KIFC3: variants seen among roughly 807,000 people sequenced by gnomAD.
KIFC3 encodes kinesin-like protein KIFC3.
Under a neutral mutation model 101.8 loss-of-function variants are expected in KIFC3, and 60 were observed. That is an observed-to-expected ratio of 0.59 (90% confidence interval 0.48 to 0.73). The LOEUF (loss-of-function observed/expected upper bound fraction) is 0.73. KIFC3 is among the 30% of genes least tolerant of loss of function. The pLI is 0.00. For synonymous variants in KIFC3, 476 were observed against 482.7 expected (o/e 0.99, Z 0.18); for missense variants, 966 against 1,137.1 (o/e 0.85, Z 2.16).
At chr16:57,787,715 G>A (rs897994987) in intron 3 of KIFC3, among the ~76,000 whole-genome samples, 6 of 152,116 alleles carry the variant, frequency 3.9e-5, no homozygotes, top group South Asian at 2.1e-4. Context: ...TCCCCTGCCC[G>A]AGGCTGGCCT....
chr16:57,764,275 T>TGGGGGGGGGGGGGTGGGGGGGGGTGG, intron 11 of KIFC3, 28 bp from the exon 12 acceptor site: 1 of 539,938 alleles, frequency 1.9e-6, no homozygotes, highest in Non-Finnish European at 3.5e-6. Flanking sequence ...GGGAGGCTGG[T>TGGGGGGGGGGGGGTGGGGGGGGGTGG]GGGGGGGCTT....
upstream of KIFC3, among the ~76,000 whole-genome samples, chr16:57,804,861 C>T (rs1431856160): frequency 1.3e-5 from 2 of 150,602 alleles, no homozygotes; most frequent in South Asian, 2.1e-4. Context: ...TTCCAAAGTC[C>T]TGGGATTACA....
At chr16:57,798,888 G>A (rs555671010) in intron 1 of KIFC3, among the ~76,000 whole-genome samples, 2 of 152,328 alleles carry the variant, frequency 1.3e-5, no homozygotes, top group East Asian at 1.9e-4. Flanking sequence ...GGCAGGCACC[G>A]TATGGGTGTT....
At position 57,758,756 on chromosome 16, in the gene KIFC3, T is replaced by C. The variant is rs1555591597; in HGVS notation, c.*178A>G. The C allele has an allele frequency of 9.9e-7, 1 of 1,005,990 alleles. No individual in the cohort carries two copies. Among genetic ancestry groups the C allele is most frequent in the South Asian group, 1.3e-5 (1 of 78,252 alleles). The allele number at this position is 1,005,990 out of a possible 1,614,324, so 62.3% of individuals were successfully genotyped here. A position where few individuals can be genotyped will look rare whatever the true frequency, so the allele number is the denominator to read the frequency against. On this transcript the variant is annotated 3_prime_UTR_variant, in exon 20 of 20. Coordinates refer to ENST00000445690, the MANE Select transcript of KIFC3 (RefSeq NM_001130100.2). The stretch of plus-strand genomic sequence containing the variant: ...GACACCGTTTCCTTCTGAACATGTT[T>C]CTCATCTTTGAGGGGAGACGGGGCA...
Position 57,769,951 on chromosome 16 carries a change from G to A in KIFC3, c.944C>T (p.Ala315Val). ...CCGCTCCAGCTCTGACTCGTACATG[G>A]CAATCTGGCCAGACCAGGAAAAGGC... The part of the protein sequence containing the change: ...QLTARLRAQI[A>V]MYESELERAH... The change falls in exon 8 of 20, where the codon GCC becomes GTC. Residue 315 changes from alanine (A) to valine (V), a missense_variant. Ala to Val is a moderately conservative substitution (Grantham distance 64, BLOSUM62 0). Coordinates refer to ENST00000445690, the MANE Select transcript of KIFC3 (RefSeq NM_001130100.2). The surrounding 1 kb of genome is among the most constrained non-coding windows in gnomAD (Gnocchi z 4.3). 1 of 1,611,842 alleles carries A rather than the reference G, an allele frequency of 6.2e-7. No homozygotes were observed. The highest frequency in any genetic ancestry group is 8.5e-7 in the Non-Finnish European group (1 of 1,179,950).
At chr16:57,760,992 G>A (rs1555596384) in intron 15 of KIFC3, 37 bp from the exon 16 acceptor site, 1 of 1,603,286 alleles carries the variant, frequency 6.2e-7, no homozygotes, top group Non-Finnish European at 8.5e-7. Context: ...GGCCTGCCCT[G>A]CCCCTTGGGG....
At chr16:57,765,663 A>C in intron 10 of KIFC3, 23 bp from the exon 11 acceptor site, 1 of 1,597,194 alleles carries the variant, frequency 6.3e-7, no homozygotes, top group Non-Finnish European at 8.5e-7. Context: ...GGGATGGGGA[A>C]ATGGGTCCAG....
intron 1 of KIFC3, among the ~76,000 whole-genome samples, chr16:57,834,064 G>A (rs571961731): frequency 2.0e-4 from 31 of 151,992 alleles, no homozygotes; most frequent in African/African-American, 6.0e-4. Flanking sequence ...GGGTTTCACC[G>A]TGTTAGCCAG....
At chr16:57,816,316 T>C in intron 1 of KIFC3, 1 of 1,176,768 alleles carries the variant, frequency 8.5e-7, no homozygotes, top group Non-Finnish European at 1.1e-6. Flanking sequence ...CGGTGGGATC[T>C]GTCTTCCCGT....
rs554382747 is a variant in KIFC3 at position 57,760,147 on chromosome 16, C to T, written c.2367+135G>A. The T allele has an allele frequency of 7.7e-5, 83 of 1,074,822 alleles. No individual in the cohort carries two copies. In the African/African-American group the frequency reaches 1.1e-3, roughly 15 times the overall value. The allele number at this position is 1,074,822 out of a possible 1,614,324, so 66.6% of individuals were successfully genotyped here. ...GAGGCTGCTGGCTGTGGGTTCCAGC[C>T]GTAGCTCCACCCAACTCCGGCAGCT... is the stretch of plus-strand genomic sequence containing the variant. On this transcript the variant is annotated intron_variant, in intron 17 of 19. Transcript: ENST00000445690.
At chr16:57,829,247 C>T (rs918121048) in intron 1 of KIFC3, among the ~76,000 whole-genome samples, 2 of 151,742 alleles carry the variant, frequency 1.3e-5, no homozygotes, top group African/African-American at 2.4e-5. Context: ...TTAAGAATAA[C>T]CTTTGTTTGT....
At chr16:57,856,528 G>C (rs909068666) in intron 1 of KIFC3, among the ~76,000 whole-genome samples, 2 of 149,724 alleles carry the variant, frequency 1.3e-5, no homozygotes, top group South Asian at 2.1e-4. Flanking sequence ...AGGGAAAAAA[G>C]AAAGAAAAAG....
At chr16:57,790,480 A>G (rs1555619874) in intron 3 of KIFC3, among the ~76,000 whole-genome samples, 1 of 152,078 alleles carries the variant, frequency 6.6e-6, no homozygotes, top group African/African-American at 2.4e-5. Flanking sequence ...AAAACAAAAA[A>G]AATAAGCCAC....
At chr16:57,798,600 A>G (rs535109726) in intron 1 of KIFC3, 64 of 454,646 alleles carry the variant, frequency 1.4e-4, no homozygotes, top group African/African-American at 1.3e-3. Flanking sequence ...CTAGCCCCAC[A>G]CAGAGGAGGC....
chr16:57,787,916 G>C (rs1392555035), intron 3 of KIFC3, among the ~76,000 whole-genome samples: 2 of 152,234 alleles, frequency 1.3e-5, no homozygotes, highest in African/African-American at 4.8e-5. Context: ...AGAAAGGCCA[G>C]CTCCTTTTTC....
At chr16:57,838,025 G>C (rs1478227577) in intron 1 of KIFC3, among the ~76,000 whole-genome samples, 1 of 152,150 alleles carries the variant, frequency 6.6e-6, no homozygotes, top group African/African-American at 2.4e-5. Flanking sequence ...CAAGTAGCCG[G>C]GGTTAGGGGA....
At chr16:57,763,536 C>T (rs1211019692) in intron 12 of KIFC3, among the ~76,000 whole-genome samples, 1 of 152,192 alleles carries the variant, frequency 6.6e-6, no homozygotes, top group Non-Finnish European at 1.5e-5. Flanking sequence ...CCAGGGCTAG[C>T]TTTCCACTGC....
intron 1 of KIFC3, among the ~76,000 whole-genome samples, chr16:57,851,268 G>GC (rs2056052657): frequency 6.6e-6 from 1 of 152,148 alleles, no homozygotes; most frequent in Admixed American, 6.5e-5. Flanking sequence ...TCCTGCCTTG[G>GC]CCTTCCAAAG....
At chr16:57,768,533 A>ACACACACACACACACACACACACG (rs782552995) in intron 9 of KIFC3, among the ~76,000 whole-genome samples, 46 of 151,690 alleles carry the variant, frequency 3.0e-4, no homozygotes, top group African/African-American at 1.0e-3. Context: ...ACACACACAC[A>ACACACACACACACACACACACACG]CACGCACAAT....
Sources: allele counts gnomAD v4.1 joint callset (sites outside exome capture counted in the v4.1 genomes callset), GRCh38; gene constraint gnomAD v4.1.1; non-coding constraint Gnocchi (gnomAD v3.1); transcripts MANE v1.5; gene names NCBI Gene and HGNC (gene_info 2026-07-23, HGNC 2026-07-21).